The following TRABD2A variants were observed in gnomAD, a reference collection of about 807,000 sequenced individuals.
TRABD2A encodes the protein metalloprotease TIKI1.
Under a neutral mutation model 45.6 loss-of-function variants are expected in TRABD2A, and 43 were observed. The ratio of observed to expected loss-of-function variants is 0.94; its 90% CI spans 0.74 to 1.22. The LOEUF is 1.22. Among genes scored for constraint, TRABD2A ranks in the 50% most tolerant of loss-of-function variants. TRABD2A has a pLI of 0.00. For missense variants in TRABD2A, 642 were observed against 652.4 expected, an observed-to-expected ratio of 0.98 and a Z score of 0.17; for synonymous variants, 269 against 265.0, an observed-to-expected ratio of 1.02 and a Z score of -0.15.
At chr2:84,854,108 A>G (rs1161046991) in intron 2 of TRABD2A, among the ~76,000 whole-genome samples, 2 of 151,154 alleles carry the variant, frequency 1.3e-5, no homozygotes, top group Admixed American at 1.3e-4. Context: ...AATTTTTAAA[A>G]ACAAAAATAC....
At chr2:84,829,216 C>T (rs1036609720) in intron 5 of TRABD2A, among the ~76,000 whole-genome samples, 7 of 151,952 alleles carry the variant, frequency 4.6e-5, no homozygotes, top group South Asian at 4.1e-4. Flanking sequence ...TTTTTCTCCC[C>T]GGGGAAGTGA....
chr2:84,829,217 G>A (rs898027409), intron 5 of TRABD2A, among the ~76,000 whole-genome samples: 13 of 152,020 alleles, frequency 8.6e-5, no homozygotes, highest in South Asian at 2.1e-4. Context: ...TTTTCTCCCC[G>A]GGGAAGTGAG....
rs1160098553 is a variant in TRABD2A at position 84,841,906 on chromosome 2, G to A, written c.771C>T (p.Asn257=). The change falls in exon 3 of 7, where the codon AAC becomes AAT. Residue 257 remains asparagine (N), a synonymous_variant. Transcript: ENST00000409520. ...GGATGACGGAGCTGAGGTCCCCGCA[G>A]TTATAGTGTTTGATGAGATCCTCCG... ...YTTEDLIKHY[N]CGDLSSVILS... The A allele has an allele frequency of 6.5e-7, 1 of 1,548,136 alleles. No homozygotes were observed. The highest frequency in any genetic ancestry group is 2.0e-5 in the Admixed American group (1 of 50,636).
At chr2:84,870,165 T>G in intron 2 of TRABD2A, 60 bp downstream of exon 2, 1 of 1,490,106 alleles carries the variant, frequency 6.7e-7, no homozygotes, top group Non-Finnish European at 9.1e-7. Context: ...GCCCTGAAAC[T>G]CAACAGATTC....
chr2:84,878,298 G>A (rs1184139812), intron 1 of TRABD2A, among the ~76,000 whole-genome samples: 2 of 152,104 alleles, frequency 1.3e-5, no homozygotes, highest in Non-Finnish European at 2.9e-5. Flanking sequence ...AGGCTGAGGC[G>A]GGTGGATCAT....
At chr2:84,822,506 C>G (rs56703690) in intron 6 of TRABD2A, among the ~76,000 whole-genome samples, 3,167 of 152,302 alleles carry the variant, frequency 0.021, 85 homozygotes, top group African/African-American at 0.068. Flanking sequence ...CCTCTCTCAT[C>G]TGCCCAAGTC....
intron 2 of TRABD2A, among the ~76,000 whole-genome samples, chr2:84,858,801 T>G (rs528497742): frequency 6.6e-6 from 1 of 152,328 alleles, no homozygotes; most frequent in South Asian, 2.1e-4. Flanking sequence ...CTGAAGGTCC[T>G]GGGTTCAAAC....
intron 2 of TRABD2A, among the ~76,000 whole-genome samples, chr2:84,842,712 G>A (rs1408256378): frequency 6.7e-6 from 1 of 149,130 alleles, no homozygotes; most frequent in Non-Finnish European, 1.5e-5. Context: ...CTGGATGACA[G>A]TGAGACTCTG....
At chr2:84,855,861 C>T (rs112738746) in intron 2 of TRABD2A, among the ~76,000 whole-genome samples, 3,170 of 152,146 alleles carry the variant, frequency 0.021, 46 homozygotes, top group Non-Finnish European at 0.031. Flanking sequence ...GGTTCGAGTC[C>T]GGCAGATGTC....
rs372746235 is a variant in TRABD2A, at chr2:84,870,779, C to T, written c.115G>A (p.Glu39Lys). The change falls in exon 2 of 7, where the codon GAG (glutamate) becomes AAG (lysine). Residue 39 changes from glutamate (E) to lysine (K), a missense_variant. Coordinates refer to ENST00000409520, the MANE Select transcript of TRABD2A (RefSeq NM_001277053.2). ...ANCELKPQQS[E>K]LNSFLWTIKR... Reference sequence around the variant, plus strand: ...ATGGTCCACAAGAAGGAATTCAGCTCGCTTTGCTGAAAAGAAAAGAGGTAA... The same window carrying T: ...ATGGTCCACAAGAAGGAATTCAGCTTGCTTTGCTGAAAAGAAAAGAGGTAA... 7.6e-6 allele frequency: 12 copies of T among 1,574,644 alleles called. No homozygotes were observed. The highest frequency in any genetic ancestry group is 4.6e-5 in the East Asian group (2 of 43,232).
intron 1 of TRABD2A, 129 bp downstream of exon 1, chr2:84,880,803 G>A (rs1456270556): frequency 7.2e-7 from 1 of 1,383,170 alleles, no homozygotes; most frequent in East Asian, 2.5e-5. Flanking sequence ...GAGCGCCGCG[G>A]TGCTAGGTGA....
chr2:84,870,821 G>T (rs1356310242), intron 1 of TRABD2A, 36 bp from the exon 2 acceptor site: 4 of 1,508,150 alleles, frequency 2.7e-6, no homozygotes, highest in Non-Finnish European at 3.6e-6. Context: ...GGTATAATAT[G>T]GGGGAGAGGC....
chr2:84,873,516 G>T lies in TRABD2A; in HGVS notation c.109-2731C>A, dbSNP rs1056452181. ...CCCCATCCCCTAGGCATCCTCTTAT[G>T]CAGTAATAAGGGCCCCTGAGGTTAT... On this transcript the variant is annotated intron_variant, in intron 1 of 6. Coordinates refer to ENST00000409520, the MANE Select transcript of TRABD2A (RefSeq NM_001277053.2). 5.3e-5 allele frequency among the ~76,000 whole-genome samples: 8 copies of T among 152,176 alleles called. No individual in the cohort carries two copies. The South Asian group carries it at 8.3e-4, about 16-fold the overall frequency.
intron 2 of TRABD2A, among the ~76,000 whole-genome samples, chr2:84,860,844 G>C (rs990318566): frequency 1.3e-5 from 2 of 152,248 alleles, no homozygotes; most frequent in African/African-American, 4.8e-5. Flanking sequence ...GTGAGGTGGA[G>C]AAGGTGTGTG....
chr2:84,866,058 A>G (rs1682668969), intron 2 of TRABD2A, among the ~76,000 whole-genome samples: 1 of 152,262 alleles, frequency 6.6e-6, no homozygotes, highest in Admixed American at 6.5e-5. Context: ...CATCCGTGTC[A>G]GGGTCCTAAC....
intron 1 of TRABD2A, 76 bp from the exon 2 acceptor site, chr2:84,870,861 T>G: frequency 7.6e-7 from 1 of 1,307,660 alleles, no homozygotes; most frequent in Non-Finnish European, 1.0e-6. Context: ...AGGAAATGAA[T>G]CAGTCACATT....
chr2:84,860,921 G>T (rs1315040353), intron 2 of TRABD2A, among the ~76,000 whole-genome samples: 1 of 152,226 alleles, frequency 6.6e-6, no homozygotes, highest in African/African-American at 2.4e-5. Flanking sequence ...CAGAGCCAGG[G>T]CTGGGTAGGA....
At chr2:84,859,171 G>C (rs934378309) in intron 2 of TRABD2A, among the ~76,000 whole-genome samples, 5 of 152,168 alleles carry the variant, frequency 3.3e-5, no homozygotes, top group Non-Finnish European at 7.3e-5. Flanking sequence ...TCTCTGCCCT[G>C]GTGGCAGGAA....
At chr2:84,867,131 A>G (rs1382499604) in intron 2 of TRABD2A, among the ~76,000 whole-genome samples, 1 of 151,510 alleles carries the variant, frequency 6.6e-6, no homozygotes, top group Non-Finnish European at 1.5e-5. Context: ...ATCTCTAGAA[A>G]TGAAACATGG....
Sources: gnomAD v4.1 joint callset for allele counts (sites outside exome capture counted in the v4.1 genomes callset) on GRCh38, gnomAD v4.1.1 for gene constraint, MANE v1.5 for transcripts, NCBI Gene and HGNC (gene_info 2026-07-23, HGNC 2026-07-21) for gene names.